The following EDA variants were observed in gnomAD, a reference collection of about 807,000 sequenced individuals.
The protein encoded by EDA is ectodysplasin-A.
In EDA, 2 loss-of-function variants were observed where a neutral mutation model predicts 23.6. The observed-to-expected ratio is 0.08, with a 90% CI of 0.03 to 0.27. EDA has a LOEUF of 0.27. Ranked by LOEUF, EDA falls within the 10% of genes least tolerant of loss-of-function variation. The pLI, the probability that EDA is intolerant of heterozygous loss-of-function variation, is 1.00. For missense variants in EDA, 229 were observed against 324.2 expected, an observed-to-expected ratio of 0.71 and a Z score of 2.26; for synonymous variants, 131 against 132.0, an observed-to-expected ratio of 0.99 and a Z score of 0.05.
At chrX:69,657,082 T>G (rs945016072) in intron 1 of EDA, among the ~76,000 whole-genome samples, 2 of 112,242 alleles carry the variant, frequency 1.8e-5, no homozygotes, top group African/African-American at 6.5e-5. Context: ...CTAACTGCAT[T>G]TCACAGGGGC....
At chrX:69,959,842 G>T (rs1306837044) in intron 2 of EDA, among the ~76,000 whole-genome samples, 1 of 111,981 alleles carries the variant, frequency 8.9e-6, no homozygotes, top group Non-Finnish European at 1.9e-5. Context: ...ATGAAATGAA[G>T]TAAGAGCTAT....
intron 3 of EDA, 109 bp downstream of exon 3, chrX:70,023,350 CTGTT>C (rs1038899715): frequency 1.0e-5 from 5 of 492,247 alleles, no homozygotes; most frequent in African/African-American, 9.7e-5. Context: ...CATTGTCTGT[CTGTT>C]ATTTTATTCA....
intron 1 of EDA, among the ~76,000 whole-genome samples, chrX:69,711,661 C>T (rs898694763): frequency 9.0e-6 from 1 of 111,554 alleles, no homozygotes; most frequent in Admixed American, 9.6e-5. Flanking sequence ...ATTATTGCCT[C>T]AATTTCAGAT....
At chrX:69,691,779 A>T (rs916599512) in intron 1 of EDA, among the ~76,000 whole-genome samples, 3 of 111,964 alleles carry the variant, frequency 2.7e-5, no homozygotes, top group Non-Finnish European at 5.6e-5. Flanking sequence ...ATAGTTCAGC[A>T]GTGTTATAAA....
chrX:69,970,942 T>C (rs772085510), intron 2 of EDA, among the ~76,000 whole-genome samples: 1 of 111,877 alleles, frequency 8.9e-6, no homozygotes, highest in South Asian at 3.8e-4. Flanking sequence ...GCCAACTCTA[T>C]AAATGCCGTC....
rs746834397 is a variant in EDA, at chrX:69,976,727, T to A, written c.502+19595T>A. Among the ~76,000 whole-genome samples, 6 of 107,721 alleles carry A rather than the reference T, an allele frequency of 5.6e-5. No homozygotes were observed. The East Asian group carries it at 1.8e-3, about 31-fold the overall frequency. 93.5% of individuals were successfully genotyped at this position (107,721 alleles called of 115,157 possible). A position where few individuals can be genotyped will look rare whatever the true frequency, so the allele number is the denominator to read the frequency against. On this transcript the variant is annotated intron_variant, in intron 2 of 7. Coordinates refer to ENST00000374552, the MANE Select transcript of EDA (RefSeq NM_001399.5). ...TATTTCTCTATAGGTTTCTCTCTGT[T>A]CTTAGGAAGAAATTCAATGGAGGTA...
chrX:69,714,295 A>G (rs1399139421), intron 1 of EDA, among the ~76,000 whole-genome samples: 1 of 110,995 alleles, frequency 9.0e-6, no homozygotes, highest in East Asian at 2.8e-4. Context: ...TATATTCTAG[A>G]TATAAGTTCA....
At chrX:69,645,001 C>A (rs1337040830) in intron 1 of EDA, among the ~76,000 whole-genome samples, 1 of 111,304 alleles carries the variant, frequency 9.0e-6, no homozygotes, top group African/African-American at 3.3e-5. Flanking sequence ...TGATGTGCTA[C>A]TGTATTTTAT....
intron 1 of EDA, among the ~76,000 whole-genome samples, chrX:69,894,219 G>T (rs955299178): frequency 5.4e-5 from 6 of 110,970 alleles, no homozygotes; most frequent in Non-Finnish European, 1.1e-4. Flanking sequence ...GGTTGTAGGG[G>T]ACGGCTTTAT....
intron 1 of EDA, among the ~76,000 whole-genome samples, chrX:69,684,411 A>G (rs1052838831): frequency 2.7e-4 from 30 of 111,887 alleles, no homozygotes; most frequent in Admixed American, 6.6e-4. Flanking sequence ...GTTCATAATA[A>G]TGACCCAAAT....
At chrX:69,807,169 T>A (rs987897811) in intron 1 of EDA, among the ~76,000 whole-genome samples, 1 of 109,391 alleles carries the variant, frequency 9.1e-6, no homozygotes, top group African/African-American at 3.3e-5. Context: ...AGGAAGAAAA[T>A]TCTATAGATG....
At chrX:69,703,153 C>T (rs1018229054) in intron 1 of EDA, among the ~76,000 whole-genome samples, 2 of 111,354 alleles carry the variant, frequency 1.8e-5, no homozygotes, top group Non-Finnish European at 3.8e-5. Flanking sequence ...AGAAGTGTCC[C>T]CCTAAGACCA....
intron 1 of EDA, among the ~76,000 whole-genome samples, chrX:69,837,198 A>G (rs1233648276): frequency 9.0e-6 from 1 of 111,447 alleles, no homozygotes. Context: ...GCAAACTACA[A>G]AAATAAAGTC....
chrX:70,008,676 C>A (rs970276361), intron 2 of EDA, among the ~76,000 whole-genome samples: 3 of 110,750 alleles, frequency 2.7e-5, no homozygotes, highest in Non-Finnish European at 5.7e-5. Context: ...AGGAAGTGTT[C>A]CCCCTGCTTC....
intron 1 of EDA, among the ~76,000 whole-genome samples, chrX:69,847,426 C>T (rs1188466105): frequency 1.8e-5 from 2 of 111,313 alleles, no homozygotes; most frequent in Non-Finnish European, 3.8e-5. Flanking sequence ...AGAGCAGTTC[C>T]ATCACCAAAA....
chrX:69,957,087 C>T lies in EDA; in HGVS notation c.457C>T (p.Arg153Cys), dbSNP rs397516662. 1 of 1,211,272 alleles carries T rather than the reference C, an allele frequency of 8.3e-7. No homozygotes were observed. Reference sequence around the variant, plus strand: ...GCCATACTCTGAAGAAGAAAGTAGGCGTGTTCGCCGCAATAAAAGAAGCAA... The same window carrying T: ...GCCATACTCTGAAGAAGAAAGTAGGTGTGTTCGCCGCAATAAAAGAAGCAA... ...EKPYSEEESR[R>C]VRRNKRSKSN... Residue 153 changes from arginine to cysteine, a missense_variant, in exon 2 of 8, where the codon CGT becomes TGT. Physicochemically the swap from Arg to Cys is radical, Grantham distance 180. Transcript: ENST00000374552.
chrX:70,026,582 TTC>T (rs1411968968), intron 3 of EDA, among the ~76,000 whole-genome samples: 3 of 111,789 alleles, frequency 2.7e-5, no homozygotes, highest in African/African-American at 9.8e-5. Context: ...ATGTATATTC[TTC>T]TCTGTCTACA....
intron 1 of EDA, among the ~76,000 whole-genome samples, chrX:69,819,566 T>C (rs1354598923): frequency 9.0e-6 from 1 of 111,686 alleles, no homozygotes; most frequent in Non-Finnish European, 1.9e-5. Flanking sequence ...ATCACCAGCA[T>C]TCCTATACAC....
At chrX:69,776,291 G>A (rs978165037) in intron 1 of EDA, among the ~76,000 whole-genome samples, 2 of 111,771 alleles carry the variant, frequency 1.8e-5, no homozygotes, top group Non-Finnish European at 3.8e-5. Context: ...GTTTGGCTGT[G>A]TCCCCACCCA....
Sources: gnomAD v4.1 joint callset for allele counts (sites outside exome capture counted in the v4.1 genomes callset) on GRCh38, gnomAD v4.1.1 for gene constraint, MANE v1.5 for transcripts, NCBI Gene and HGNC (gene_info 2026-07-23, HGNC 2026-07-21) for gene names.